MAGEB17: variants seen among roughly 807,000 people sequenced by gnomAD.
MAGEB17 encodes the protein melanoma-associated antigen B17.
For synonymous variants in MAGEB17, 110 were observed against 112.4 expected (o/e 0.98, Z 0.13); for missense variants, 251 against 281.4 (o/e 0.89, Z 0.77).
chrX:16,167,808 A>C (rs1213982830), intron 1 of MAGEB17, 25 bp downstream of exon 1: 1 of 111,601 alleles, frequency 9.0e-6, no homozygotes, highest in South Asian at 3.8e-4. Flanking sequence ...CGTGGACTGA[A>C]AGGCCCACCA....
At chrX:16,169,816 C>T (rs890970223) in intron 1 of MAGEB17, among the ~76,000 whole-genome samples, 1 of 111,244 alleles carries the variant, frequency 9.0e-6, no homozygotes, top group African/African-American at 3.3e-5. Context: ...ACAGGGCCAC[C>T]GAACCCAGAA....
chrX:16,171,253 G>A lies in MAGEB17; in HGVS notation c.871G>A (p.Ala291Thr), dbSNP rs768868340. 4 of 1,209,887 alleles carry A rather than the reference G, an allele frequency of 3.3e-6. No homozygotes were observed. The highest frequency in any genetic ancestry group is 3.4e-6 in the Non-Finnish European group (3 of 894,793). ...CAAAATGAAAGTCCTGGAGTTTGTG[G>A]CCAAGCTCAATGATACCGTTGCCAG... ...TSKMKVLEFV[A>T]KLNDTVASTY... The change falls in exon 2 of 2, where the codon GCC (alanine) becomes ACC (threonine). Residue 291 changes from alanine to threonine, a missense_variant. Physicochemically the swap from Ala to Thr is moderately conservative, Grantham distance 58. Transcript: ENST00000400004.
rs1213301922 is a variant in MAGEB17, at chrX:16,171,251, T to A, written c.869T>A (p.Val290Glu). 1 of 1,208,072 alleles carries A rather than the reference T, an allele frequency of 8.3e-7. No homozygotes were observed. The highest frequency in any genetic ancestry group is 1.8e-5 in the African/African-American group (1 of 57,017). The change falls in exon 2 of 2, where the codon GTG (valine) becomes GAG (glutamate). Residue 290 changes from valine (V) to glutamate (E), a missense_variant. Physicochemically the swap from Val to Glu is moderately radical, Grantham distance 121. Transcript: ENST00000400004. ...ETSKMKVLEF[V>E]AKLNDTVAST... ...AGCAAAATGAAAGTCCTGGAGTTTG[T>A]GGCCAAGCTCAATGATACCGTTGCC...
rs868415599 is a variant in MAGEB17, at chrX:16,170,455, C to G, written c.73C>G (p.Leu25Val). 9 of 1,167,295 alleles carry G rather than the reference C, an allele frequency of 7.7e-6. No individual in the cohort carries two copies. In the Middle Eastern group the frequency reaches 2.1e-3, roughly 271 times the overall value. Residue 25 changes from leucine (L) to valine (V), a missense_variant, in exon 2 of 2, where the codon CTC becomes GTC. Coordinates refer to ENST00000400004, the MANE Select transcript of MAGEB17 (RefSeq NM_001277307.2). ...CCAGGCTCGAGGTGAAGACCAATGTCTCGGGGGTGCTCAAGCCACCGCAGC... is the reference window on the plus strand; with the variant it reads ...CCAGGCTCGAGGTGAAGACCAATGTGTCGGGGGTGCTCAAGCCACCGCAGC... ...RRQARGEDQCLGGAQATAAEK... is the reference protein window; with the variant it reads ...RRQARGEDQCVGGAQATAAEK...
At position 16,170,734 on chromosome X, in the gene MAGEB17, C is replaced by A; in HGVS notation, c.352C>A (p.Gln118Lys). The A allele has an allele frequency of 8.6e-7, 1 of 1,167,350 alleles. No individual in the cohort carries two copies. The highest frequency in any genetic ancestry group is 1.9e-5 in the South Asian group (1 of 52,731). The change falls in exon 2 of 2, where the codon CAG (glutamine) becomes AAG (lysine). Residue 118 changes from glutamine (Q) to lysine (K), a missense_variant. Gln to Lys is a moderately conservative substitution (Grantham distance 53). Coordinates refer to ENST00000400004, the MANE Select transcript of MAGEB17 (RefSeq NM_001277307.2). ...LLNTKTGELV[Q>K]FLLNKYIRKE... is the part of the protein sequence containing the mutation. ...GAACACGAAGACGGGCGAATTGGTG[C>A]AGTTCCTCCTCAACAAGTATATAAG...
rs1446914265 is a variant in MAGEB17 at position 16,170,900 on chromosome X, G to A, written c.518G>A (p.Arg173His). 4 of 1,167,424 alleles carry A rather than the reference G, an allele frequency of 3.4e-6. No homozygotes were observed. The African/African-American group carries it at 5.3e-5, about 16-fold the overall frequency. The change falls in exon 2 of 2, where the codon CGT becomes CAT. Residue 173 changes from arginine (R) to histidine (H), a missense_variant. Coordinates refer to ENST00000400004, the MANE Select transcript of MAGEB17 (RefSeq NM_001277307.2). ...TACCTGAAGGAAATGGACCCCAGCC[G>A]TCAGTCCTATGTGCTTGTTGGCAAG... The part of the protein sequence containing the change: ...GLYLKEMDPS[R>H]QSYVLVGKLD...
In MAGEB17 at chrX:16,171,234, GA is replaced by G. The variant is rs751505862; in HGVS notation, c.855del (p.Val286SerfsTer24). On this transcript the variant is annotated frameshift_variant, in exon 2 of 2. Coordinates refer to ENST00000400004, the MANE Select transcript of MAGEB17 (RefSeq NM_001277307.2). LOFTEE classifies it low-confidence loss of function (END_TRUNC). ...PRARAETSKM[K>X]VLEFVAKLND... Reference sequence around the variant, plus strand: ...GGGCCCGTGCTGAAACCAGCAAAATGAAAGTCCTGGAGTTTGTGGCCAAGCT... The same window carrying G: ...GGGCCCGTGCTGAAACCAGCAAAATGAAGTCCTGGAGTTTGTGGCCAAGCT... The G allele has an allele frequency of 8.3e-7, 1 of 1,208,432 alleles. No homozygotes were observed. The highest frequency in any genetic ancestry group is 1.1e-6 in the Non-Finnish European group (1 of 894,581).
chrX:16,171,341 C>T lies in MAGEB17; in HGVS notation c.959C>T (p.Ala320Val), dbSNP rs755982931. The change falls in exon 2 of 2, where the codon GCG (alanine) becomes GTG (valine). Residue 320 changes from alanine (A) to valine (V), a missense_variant. Physicochemically the swap from Ala to Val is moderately conservative, Grantham distance 64. Transcript: ENST00000400004. ...GAGGAAGAGCAAGCCAGAGCCAGAGCGGTAGCCAGGGATAGCGCCAGGGCC... is the reference window on the plus strand; with the variant it reads ...GAGGAAGAGCAAGCCAGAGCCAGAGTGGTAGCCAGGGATAGCGCCAGGGCC... Reference protein sequence around the residue: ...REEEEQARARAVARDSARARA... With the variant: ...REEEEQARARVVARDSARARA... 1.0e-5 allele frequency: 12 copies of T among 1,157,067 alleles called. No homozygotes were observed. The highest frequency in any genetic ancestry group is 6.2e-5 in the East Asian group (2 of 32,181).
Position 16,171,214 on chromosome X carries a change from C to T in MAGEB17, c.832C>T (p.Arg278Cys), listed in dbSNP as rs895268746. The T allele has an allele frequency of 4.2e-5, 51 of 1,207,924 alleles. No individual in the cohort carries two copies. Among genetic ancestry groups the T allele is most frequent in the Non-Finnish European group, 5.5e-5 (49 of 894,328 alleles). The change falls in exon 2 of 2, where the codon CGT becomes TGT. Residue 278 changes from arginine to cysteine, a missense_variant. Coordinates refer to ENST00000400004, the MANE Select transcript of MAGEB17 (RefSeq NM_001277307.2). ...RYEFLWGPRA[R>C]AETSKMKVLE... ...CGAGTTCCTGTGGGGTCCCAGGGCC[C>T]GTGCTGAAACCAGCAAAATGAAAGT...
At chrX:16,168,763 C>T (rs1236804157) in intron 1 of MAGEB17, 1 of 112,109 alleles carries the variant, frequency 8.9e-6, no homozygotes, top group Non-Finnish European at 1.9e-5. Context: ...AGGATGGAGT[C>T]CCAGGACTGG....
intron 1 of MAGEB17, among the ~76,000 whole-genome samples, 163 bp from the exon 2 acceptor site, chrX:16,170,171 C>G (rs1039500170): frequency 8.9e-6 from 1 of 112,299 alleles, no homozygotes; most frequent in Non-Finnish European, 1.9e-5. Flanking sequence ...GGGCAAGGAG[C>G]ACTGTAACTT....
At position 16,170,536 on chromosome X, in the gene MAGEB17, A is replaced by G. The variant is rs1462305729; in HGVS notation, c.154A>G (p.Ser52Gly). 2 of 1,166,826 alleles carry G rather than the reference A, an allele frequency of 1.7e-6. No homozygotes were observed. Among genetic ancestry groups the G allele is most frequent in the Non-Finnish European group, 2.3e-6 (2 of 873,008 alleles). ...TCCTGCATGCCAGAGTCCTCCCCAG[A>G]GCTTCCCCAATGCAGGCATTCCTCA... is the stretch of plus-strand genomic sequence containing the variant. Reference protein sequence around the residue: ...SSPACQSPPQSFPNAGIPQES... With the variant: ...SSPACQSPPQGFPNAGIPQES... Residue 52 changes from serine (S) to glycine (G), a missense_variant, in exon 2 of 2, where the codon AGC (serine) becomes GGC (glycine). Ser to Gly is a moderately conservative substitution (Grantham distance 56). Transcript: ENST00000400004.
rs1369452052 is a variant in MAGEB17, at chrX:16,170,365, C to T, written c.-18C>T. 8.7e-7 allele frequency: 1 copy of T among 1,145,130 alleles called. No individual in the cohort carries two copies. 94.4% of individuals were successfully genotyped at this position (1,145,130 alleles called of 1,213,427 possible). On this transcript the variant is annotated 5_prime_UTR_variant, in exon 2 of 2. Transcript: ENST00000400004. ...ACCTCCTGCACCCTCTTGCCTGCTG[C>T]CCCTAAGCACAGTCATCATGCCTCG...
At position 16,167,714 on chromosome X, in the gene MAGEB17, G is replaced by A. The variant is rs1922970797; in HGVS notation, c.-119G>A. On this transcript the variant is annotated 5_prime_UTR_variant, in exon 1 of 2. Coordinates refer to ENST00000400004, the MANE Select transcript of MAGEB17 (RefSeq NM_001277307.2). Reference sequence around the variant, plus strand: ...CATCCGCCCGCCTGGGAAGCTGCCGGAAGTGAGGATCTTCGTCTGAGGGAC... The same window carrying A: ...CATCCGCCCGCCTGGGAAGCTGCCGAAAGTGAGGATCTTCGTCTGAGGGAC... The A allele has an allele frequency of 8.9e-6, 1 of 112,260 alleles. No individual in the cohort carries two copies. The highest frequency in any genetic ancestry group is 3.2e-5 in the African/African-American group (1 of 30,844). 9.3% of individuals were successfully genotyped at this position (112,260 alleles called of 1,213,427 possible).
Position 16,171,033 on chromosome X carries a change from T to C in MAGEB17, c.651T>C (p.Thr217=), listed in dbSNP as rs1923050698. The C allele has an allele frequency of 8.6e-7, 1 of 1,168,512 alleles. No homozygotes were observed. Among genetic ancestry groups the C allele is most frequent in the Non-Finnish European group, 1.1e-6 (1 of 873,683 alleles). Residue 217 remains threonine, a synonymous_variant, in exon 2 of 2, where the codon ACT becomes ACC. Coordinates refer to ENST00000400004, the MANE Select transcript of MAGEB17 (RefSeq NM_001277307.2). ...TCTTCATGCATGGCAACCGTGCCAC[T>C]GAGGAAGAGATGTGGGAATGCCTGA... ...STIFMHGNRA[T]EEEMWECLNA... is the part of the protein sequence containing the mutation.
Position 16,170,411 on chromosome X carries a change from G to T in MAGEB17, c.29G>T (p.Arg10Leu). 2.6e-6 allele frequency: 3 copies of T among 1,165,726 alleles called. No individual in the cohort carries two copies. The highest frequency in any genetic ancestry group is 6.5e-5 in the East Asian group (2 of 30,750). Residue 10 changes from arginine (R) to leucine (L), a missense_variant, in exon 2 of 2, where the codon CGT (arginine) becomes CTT (leucine). By Grantham distance (102) the Arg-to-Leu change is moderately radical (BLOSUM62 -2). Transcript: ENST00000400004. MPRGQASKR[R>L]AREKRRQARG... ...CCTCGCGGTCAGGCGAGTAAGCGCCGTGCCCGTGAGAAACGCCGCCAGGCT... is the reference window on the plus strand; with the variant it reads ...CCTCGCGGTCAGGCGAGTAAGCGCCTTGCCCGTGAGAAACGCCGCCAGGCT...
intron 1 of MAGEB17, among the ~76,000 whole-genome samples, chrX:16,168,134 G>C (rs1434034569): frequency 8.9e-6 from 1 of 111,866 alleles, no homozygotes; most frequent in Non-Finnish European, 1.9e-5. Context: ...GAGCCCAGCA[G>C]TTCCAGACCA....
At position 16,168,927 on chromosome X, in the gene MAGEB17, G is replaced by A; in HGVS notation, c.-50+1144G>A. On this transcript the variant is annotated intron_variant, in intron 1 of 1. Coordinates refer to ENST00000400004, the MANE Select transcript of MAGEB17 (RefSeq NM_001277307.2). ...AGTGAAGGTAAAAAAAACCCTGCGTGAGGAGGGAGGAAAATGGCCATTCCA... is the reference window on the plus strand; with the variant it reads ...AGTGAAGGTAAAAAAAACCCTGCGTAAGGAGGGAGGAAAATGGCCATTCCA... The A allele has an allele frequency of 2.7e-5, 3 of 111,730 alleles. No homozygotes were observed. The South Asian group carries it at 1.1e-3, about 43-fold the overall frequency. 9.2% of individuals were successfully genotyped at this position (111,730 alleles called of 1,213,427 possible). A position where few individuals can be genotyped will look rare whatever the true frequency, so the allele number is the denominator to read the frequency against.
At position 16,171,402 on chromosome X, in the gene MAGEB17, C is replaced by T. The variant is rs1923065981; in HGVS notation, c.*9C>T. Reference sequence around the variant, plus strand: ...GGTCCTTTCAGCCCTAGTGAAGTCTCAGGCAATCCTCACTAAGAGATTGAA... The same window carrying T: ...GGTCCTTTCAGCCCTAGTGAAGTCTTAGGCAATCCTCACTAAGAGATTGAA... On this transcript the variant is annotated 3_prime_UTR_variant, in exon 2 of 2. Transcript: ENST00000400004. The T allele has an allele frequency of 9.2e-7, 1 of 1,092,460 alleles. No homozygotes were observed. Among genetic ancestry groups the T allele is most frequent in the African/African-American group, 1.9e-5 (1 of 53,572 alleles). 90.0% of individuals were successfully genotyped at this position (1,092,460 alleles called of 1,213,427 possible). A position where few individuals can be genotyped will look rare whatever the true frequency, so the allele number is the denominator to read the frequency against.
Sources: gnomAD v4.1 joint callset for allele counts (sites outside exome capture counted in the v4.1 genomes callset) on GRCh38, gnomAD v4.1.1 for gene constraint, MANE v1.5 for transcripts, NCBI Gene and HGNC (gene_info 2026-07-23, HGNC 2026-07-21) for gene names.